Variants in ANKRD17 observed in about 807,000 individuals in gnomAD.
ANKRD17 encodes the protein ankyrin repeat domain 17.
A neutral mutation model predicts 229.7 loss-of-function variants in ANKRD17; 19 were observed. The ratio of observed to expected loss-of-function variants is 0.08; its 90% confidence interval spans 0.06 to 0.12. The LOEUF is 0.12. ANKRD17 is among the 10% of genes least tolerant of loss of function. The probability of loss-of-function intolerance (pLI) is 1.00; values close to 1 mark genes in which losing one functional copy is unlikely to be tolerated. For synonymous variants in ANKRD17, 1,112 were observed against 1,146.1 expected (o/e 0.97, Z 0.60); for missense variants, 2,176 against 3,176.8 (o/e 0.68, Z 7.57).
intron 16 of ANKRD17, among the ~76,000 whole-genome samples, chr4:73,127,367 A>T (rs1727609387): frequency 6.6e-6 from 1 of 152,206 alleles, no homozygotes; most frequent in Non-Finnish European, 1.5e-5. Flanking sequence ...CAATATTTGG[A>T]TATATTAAAT....
chr4:73,243,314 T>C (rs1287542731), intron 1 of ANKRD17, among the ~76,000 whole-genome samples: 1 of 152,154 alleles, frequency 6.6e-6, no homozygotes, highest in East Asian at 1.9e-4. Context: ...GAATGAAGAA[T>C]GGGGATTCAG....
At chr4:73,154,659 A>G (rs1731407572) in intron 5 of ANKRD17, among the ~76,000 whole-genome samples, 1 of 152,182 alleles carries the variant, frequency 6.6e-6, no homozygotes, top group South Asian at 2.1e-4. Flanking sequence ...CTGCTGATAA[A>G]AATTTCCCAT....
intron 25 of ANKRD17, chr4:73,098,823 T>G: frequency 6.6e-7 from 1 of 1,525,902 alleles, no homozygotes; most frequent in South Asian, 1.1e-5. Flanking sequence ...GAAGGGAAGA[T>G]GAGTGAGTCG....
At chr4:73,228,413 A>G (rs1742720501) in intron 1 of ANKRD17, among the ~76,000 whole-genome samples, 1 of 152,156 alleles carries the variant, frequency 6.6e-6, no homozygotes, top group Non-Finnish European at 1.5e-5. Context: ...TTACCACTAT[A>G]GTTTATTTTC....
chr4:73,150,969 G>A (rs1382851914), intron 7 of ANKRD17, among the ~76,000 whole-genome samples: 1 of 151,966 alleles, frequency 6.6e-6, no homozygotes, highest in African/African-American at 2.4e-5. Context: ...TTGGTTTGAG[G>A]TATGTTATGC....
At chr4:73,156,587 T>C (rs1226086842) in intron 3 of ANKRD17, among the ~76,000 whole-genome samples, 2 of 152,158 alleles carry the variant, frequency 1.3e-5, no homozygotes, top group Non-Finnish European at 2.9e-5. Context: ...TGAGTTCTCA[T>C]GATATCTGTT....
chr4:73,189,717 T>C (rs1342304956), intron 1 of ANKRD17, among the ~76,000 whole-genome samples: 1 of 152,198 alleles, frequency 6.6e-6, no homozygotes, highest in East Asian at 1.9e-4. Flanking sequence ...TTTCTCTCCT[T>C]ATCTTTCTAC....
chr4:73,077,145 G>T, intron 32 of ANKRD17, 41 bp from the exon 33 acceptor site: 1 of 1,511,086 alleles, frequency 6.6e-7, no homozygotes, highest in Non-Finnish European at 8.8e-7. Context: ...CCAAGTCATT[G>T]TTCATTTTTC....
chr4:73,112,060 G>A (rs1725385578), intron 24 of ANKRD17, among the ~76,000 whole-genome samples: 1 of 152,174 alleles, frequency 6.6e-6, no homozygotes, highest in South Asian at 2.1e-4. Context: ...AACAAAAAGA[G>A]GATGGTCAGT....
chr4:73,108,792 A>G (rs1724949456), intron 24 of ANKRD17, among the ~76,000 whole-genome samples: 1 of 152,194 alleles, frequency 6.6e-6, no homozygotes, highest in Admixed American at 6.5e-5. Context: ...AAAGGGAGGC[A>G]GAGAAATGGG....
intron 1 of ANKRD17, among the ~76,000 whole-genome samples, chr4:73,197,042 A>G (rs557439650): frequency 6.6e-6 from 1 of 152,280 alleles, no homozygotes; most frequent in South Asian, 2.1e-4. Flanking sequence ...TCTGCTAGTC[A>G]TTCAGAACCC....
chr4:73,180,741 G>C (rs901981464), intron 1 of ANKRD17, among the ~76,000 whole-genome samples: 3 of 152,094 alleles, frequency 2.0e-5, no homozygotes, highest in African/African-American at 7.2e-5. Context: ...ATTAATGAAG[G>C]AGCTACTTTC....
chr4:73,102,094 G>C (rs549608922), intron 25 of ANKRD17, among the ~76,000 whole-genome samples: 2 of 151,878 alleles, frequency 1.3e-5, no homozygotes, highest in Non-Finnish European at 2.9e-5. Context: ...GGGACTACAG[G>C]AGTATGCTAC....
chr4:73,095,963 T>C (rs916981500), intron 27 of ANKRD17, among the ~76,000 whole-genome samples: 2 of 152,148 alleles, frequency 1.3e-5, no homozygotes, highest in African/African-American at 4.8e-5. Flanking sequence ...ATGCTGGGAT[T>C]ATAGACATGA....
chr4:73,151,804 A>G (rs1180043519), intron 6 of ANKRD17, among the ~76,000 whole-genome samples: 1 of 152,146 alleles, frequency 6.6e-6, no homozygotes, highest in East Asian at 1.9e-4. Flanking sequence ...TGTTCCCTCT[A>G]CAACCTTTTA....
Position 73,091,964 on chromosome 4 carries a change from TGGA to T in ANKRD17, c.5661_5663del (p.Pro1888del), listed in dbSNP as rs1351392109. The T allele has an allele frequency of 6.2e-7, 1 of 1,613,988 alleles. No individual in the cohort carries two copies. Among genetic ancestry groups the T allele is most frequent in the Non-Finnish European group, 8.5e-7 (1 of 1,180,030 alleles). ...CAGCAAGCAAAGCATGTGCAAACTG[TGGA>T]GGAGGATATGCTAATGGAAGAGAAA... On this transcript the variant is annotated inframe_deletion, in exon 29 of 34. Transcript: ENST00000358602.
chr4:73,189,401 A>ATTT (rs1188974232), intron 1 of ANKRD17, among the ~76,000 whole-genome samples: 1 of 73,646 alleles, frequency 1.4e-5, no homozygotes, highest in African/African-American at 7.5e-5. Flanking sequence ...TCTGCCTGGA[A>ATTT]TGTTTTTTTT....
chr4:73,113,596 TGTTA>T (rs1404325272), intron 24 of ANKRD17, among the ~76,000 whole-genome samples, 192 bp downstream of exon 24: 1 of 152,248 alleles, frequency 6.6e-6, no homozygotes, highest in African/African-American at 2.4e-5. Flanking sequence ...AACAAAATTT[TGTTA>T]GTTACAAAGA....
Position 73,148,181 on chromosome 4 carries a change from GT to G in ANKRD17, c.1567+631del, listed in dbSNP as rs376273698. ...ACATTACTTCTAAATAAAAACAAAA[GT>G]TTTTTTTAAAAGTGTCATTCCTCTT... On this transcript the variant is annotated intron_variant, in intron 8 of 33. Transcript: ENST00000358602. 5.9e-5 allele frequency among the ~76,000 whole-genome samples: 9 copies of G among 152,034 alleles called. No individual in the cohort carries two copies. The East Asian group carries it at 1.4e-3, about 23-fold the overall frequency.
Sources: allele counts gnomAD v4.1 joint callset (sites outside exome capture counted in the v4.1 genomes callset), GRCh38; gene constraint gnomAD v4.1.1; transcripts MANE v1.5; gene names NCBI Gene and HGNC (gene_info 2026-07-23, HGNC 2026-07-21).